Variants in TMEM131L observed in about 807,000 individuals in gnomAD.
The protein encoded by TMEM131L is transmembrane 131 like.
Under a neutral mutation model 192.2 loss-of-function variants are expected in TMEM131L, and 54 were observed. The observed-to-expected ratio is 0.28, with a 90% confidence interval of 0.23 to 0.35. The LOEUF (loss-of-function observed/expected upper bound fraction) is 0.35. Among genes scored for constraint, TMEM131L ranks in the 10% least tolerant of loss-of-function variants. TMEM131L has a pLI of 1.00. For missense variants in TMEM131L, 1,888 were observed against 1,972.9 expected (o/e 0.96, Z 0.82); for synonymous variants, 701 against 704.9 (o/e 0.99, Z 0.09).
chr4:153,492,977 G>A (rs1221964529), intron 3 of TMEM131L, among the ~76,000 whole-genome samples: 1 of 152,152 alleles, frequency 6.6e-6, no homozygotes, highest in African/African-American at 2.4e-5. Flanking sequence ...TGAGATACAG[G>A]TGGATGTGGT....
chr4:153,586,908 C>G (rs988497110), intron 14 of TMEM131L, among the ~76,000 whole-genome samples: 1 of 152,076 alleles, frequency 6.6e-6, no homozygotes, highest in African/African-American at 2.4e-5. Context: ...AAATATGTCT[C>G]TTTCTTTAAT....
intron 26 of TMEM131L, among the ~76,000 whole-genome samples, chr4:153,612,999 CT>C (rs1454628822): frequency 2.0e-5 from 3 of 152,122 alleles, no homozygotes; most frequent in Admixed American, 6.5e-5. Flanking sequence ...CAAACTTAAG[CT>C]TGCCTCAGAC....
At chr4:153,622,064 C>A (rs189863733) in intron 28 of TMEM131L, among the ~76,000 whole-genome samples, 32 of 152,294 alleles carry the variant, frequency 2.1e-4, no homozygotes, top group South Asian at 1.2e-3. Context: ...CCCAGCCCCC[C>A]AGTCTGGCCA....
chr4:153,576,829 T>C (rs1729980085), intron 7 of TMEM131L, among the ~76,000 whole-genome samples: 1 of 152,188 alleles, frequency 6.6e-6, no homozygotes, highest in Non-Finnish European at 1.5e-5. Context: ...TTTCTGTTTC[T>C]TGCCCTTTTC....
chr4:153,484,460 T>A (rs1173941675), intron 3 of TMEM131L, among the ~76,000 whole-genome samples: 1 of 151,686 alleles, frequency 6.6e-6, no homozygotes, highest in Non-Finnish European at 1.5e-5. Context: ...ATTTTTATTA[T>A]TTTTATTTTA....
chr4:153,548,290 A>T (rs997298503), intron 3 of TMEM131L, among the ~76,000 whole-genome samples: 9 of 151,468 alleles, frequency 5.9e-5, no homozygotes, highest in South Asian at 2.1e-4. Flanking sequence ...GCATTACTTT[A>T]TTTTTTTTTA....
chr4:153,591,701 C>A (rs1731078227), intron 17 of TMEM131L, among the ~76,000 whole-genome samples: 1 of 152,194 alleles, frequency 6.6e-6, no homozygotes. Context: ...TGGCTAAGAA[C>A]TCTATACCAC....
chr4:153,489,601 C>T (rs1732620786), intron 3 of TMEM131L, among the ~76,000 whole-genome samples: 1 of 152,120 alleles, frequency 6.6e-6, no homozygotes, highest in Non-Finnish European at 1.5e-5. Flanking sequence ...CCTCGGCCCC[C>T]TGAGTAGCTG....
In TMEM131L at chr4:153,634,289, T is replaced by C. The variant is rs1672353440; in HGVS notation, c.4417+9T>C. 14 of 1,598,072 alleles carry C rather than the reference T, an allele frequency of 8.8e-6. No individual in the cohort carries two copies. The highest frequency in any genetic ancestry group is 1.2e-5 in the Non-Finnish European group (14 of 1,165,468). On this transcript the variant is annotated intron_variant, in intron 33 of 34. Coordinates refer to ENST00000409959, the MANE Select transcript of TMEM131L (RefSeq NM_001131007.2). ...CAATGCCTTTCCAGAAGGTAAGGGCTCTTCAGACAATCCCAACGCCATTAT... is the reference window on the plus strand; with the variant it reads ...CAATGCCTTTCCAGAAGGTAAGGGCCCTTCAGACAATCCCAACGCCATTAT...
chr4:153,532,771 G>A lies in TMEM131L; in HGVS notation c.240-17302G>A, dbSNP rs150479877. Among the ~76,000 whole-genome samples, 1,390 of 151,934 alleles carry A rather than the reference G, an allele frequency of 9.1e-3. 26 individuals are homozygous for A. Among genetic ancestry groups the A allele is most frequent in the African/African-American group, 0.031 (1,300 of 41,400 alleles). On this transcript the variant is annotated intron_variant, in intron 3 of 34. Coordinates refer to ENST00000409959, the MANE Select transcript of TMEM131L (RefSeq NM_001131007.2). ...TAAAATGTTTCTTAACGTTCCAAAG[G>A]TTACCTGCTGACTTTTGGACACAAT...
intron 2 of TMEM131L, among the ~76,000 whole-genome samples, chr4:153,472,818 A>G (rs1450692551): frequency 6.6e-6 from 1 of 152,198 alleles, no homozygotes; most frequent in African/African-American, 2.4e-5. Context: ...GGGGAATTAC[A>G]TGCTTTTGTC....
At chr4:153,588,572 G>C (rs1044313094) in intron 15 of TMEM131L, among the ~76,000 whole-genome samples, 1 of 151,204 alleles carries the variant, frequency 6.6e-6, no homozygotes, top group African/African-American at 2.4e-5. Context: ...AAGGAGTTTC[G>C]CATTTTAGAT....
chr4:153,581,436 G>C lies in TMEM131L; in HGVS notation c.768G>C (p.Leu256Phe). The change falls in exon 9 of 35, where the codon TTG (leucine) becomes TTC (phenylalanine). Residue 256 changes from leucine (L) to phenylalanine (F), a missense_variant. Coordinates refer to ENST00000409959, the MANE Select transcript of TMEM131L (RefSeq NM_001131007.2). ...GTTATCTGGAATCTGATGATGTTTT[G>C]CGTCTACAAATGAGCATAATGGTAA... Reference protein sequence around the residue: ...KGCYLESDDVLRLQMSIMVTM... With the variant: ...KGCYLESDDVFRLQMSIMVTM... The C allele has an allele frequency of 6.4e-7, 1 of 1,570,228 alleles. No homozygotes were observed. The highest frequency in any genetic ancestry group is 1.4e-5 in the African/African-American group (1 of 72,954).
At chr4:153,476,584 C>T (rs889242885) in intron 3 of TMEM131L, among the ~76,000 whole-genome samples, 3 of 151,942 alleles carry the variant, frequency 2.0e-5, no homozygotes, top group African/African-American at 7.3e-5. Flanking sequence ...GTAGTCCCAG[C>T]TACTCGGGAG....
At chr4:153,560,878 C>A (rs1297847424) in intron 7 of TMEM131L, among the ~76,000 whole-genome samples, 1 of 152,120 alleles carries the variant, frequency 6.6e-6, no homozygotes, top group Non-Finnish European at 1.5e-5. Context: ...TCTTTCATAT[C>A]TTTTCTCTTA....
chr4:153,621,865 G>A lies in TMEM131L; in HGVS notation c.3859+16G>A. 2.5e-6 allele frequency: 4 copies of A among 1,611,992 alleles called. No homozygotes were observed. The highest frequency in any genetic ancestry group is 3.4e-6 in the Non-Finnish European group (4 of 1,178,716). On this transcript the variant is annotated intron_variant, in intron 28 of 34. Coordinates refer to ENST00000409959, the MANE Select transcript of TMEM131L (RefSeq NM_001131007.2). ...AGAGAGGCAGGTATGTAATGATACT[G>A]AGCTACAAATGGTGCTTCTGTGGGA... is the stretch of plus-strand genomic sequence containing the variant.
chr4:153,580,398 T>C (rs946748686), intron 7 of TMEM131L, among the ~76,000 whole-genome samples: 2 of 152,210 alleles, frequency 1.3e-5, no homozygotes, highest in Non-Finnish European at 2.9e-5. Context: ...TTCTAGGTCA[T>C]TGTACTGATG....
At chr4:153,534,459 A>T (rs1736154855) in intron 3 of TMEM131L, among the ~76,000 whole-genome samples, 2 of 151,966 alleles carry the variant, frequency 1.3e-5, no homozygotes, top group African/African-American at 4.8e-5. Context: ...TTTGAGACAG[A>T]GTCTTGCTCT....
chr4:153,506,265 T>C (rs1319065305), intron 3 of TMEM131L, among the ~76,000 whole-genome samples: 2 of 152,160 alleles, frequency 1.3e-5, no homozygotes, highest in African/African-American at 2.4e-5. Context: ...CAAGGATTCC[T>C]TGCAAAAAAA....
Sources: gnomAD v4.1 joint callset for allele counts (sites outside exome capture counted in the v4.1 genomes callset) on GRCh38, gnomAD v4.1.1 for gene constraint, MANE v1.5 for transcripts, NCBI Gene and HGNC (gene_info 2026-07-23, HGNC 2026-07-21) for gene names.